Variants in PTPRQ observed in about 807,000 individuals in gnomAD.
The protein encoded by PTPRQ is phosphatidylinositol phosphatase PTPRQ.
In PTPRQ, 199 loss-of-function variants were observed where a neutral mutation model predicts 246.0. The observed-to-expected ratio is 0.81, with a 90% CI of 0.72 to 0.91. The LOEUF (loss-of-function observed/expected upper bound fraction) is 0.91. Among genes scored for constraint, PTPRQ ranks in the 40% least tolerant of loss-of-function variants. The probability of loss-of-function intolerance (pLI) is 0.00; values close to 1 mark genes in which losing one functional copy is unlikely to be tolerated. For synonymous variants in PTPRQ, 869 were observed against 853.2 expected, an observed-to-expected ratio of 1.02 and a Z score of -0.32; for missense variants, 2,624 against 2,528.4, an observed-to-expected ratio of 1.04 and a Z score of -0.81.
chr12:80,647,857 G>A (rs921830709), intron 35 of PTPRQ, among the ~76,000 whole-genome samples: 1 of 151,824 alleles, frequency 6.6e-6, no homozygotes, highest in African/African-American at 2.4e-5. Context: ...TTTACCCTGA[G>A]AAGCTGGAAG....
intron 26 of PTPRQ, among the ~76,000 whole-genome samples, chr12:80,603,887 C>A (rs147223681): frequency 1.2e-3 from 185 of 151,698 alleles, no homozygotes; most frequent in African/African-American, 4.4e-3. Flanking sequence ...TATCCCTTAT[C>A]TTTATCTTTT....
At chr12:80,468,114 A>C (rs182122869) in intron 6 of PTPRQ, among the ~76,000 whole-genome samples, 1 of 152,344 alleles carries the variant, frequency 6.6e-6, no homozygotes, top group East Asian at 1.9e-4. Context: ...TATTTCAATT[A>C]AAAGAATAAA....
In PTPRQ at chr12:80,482,654, G is replaced by A. The variant is rs926675870; in HGVS notation, c.1187-1779G>A. Reference sequence around the variant, plus strand: ...GACAAAGGGCTAATATCCAGAATCTGCAATGAACTCAAACAAATTTACAAG... The same window carrying A: ...GACAAAGGGCTAATATCCAGAATCTACAATGAACTCAAACAAATTTACAAG... On this transcript the variant is annotated intron_variant, in intron 8 of 44. Transcript: ENST00000644991. Among the ~76,000 whole-genome samples, 1,119 of 150,226 alleles carry A rather than the reference G, an allele frequency of 7.4e-3. 25 individuals carry two copies. The highest frequency in any genetic ancestry group is 0.023 in the African/African-American group (905 of 39,790).
At chr12:80,482,840 C>T (rs1184022078) in intron 8 of PTPRQ, among the ~76,000 whole-genome samples, 65 of 138,270 alleles carry the variant, frequency 4.7e-4, no homozygotes, top group Middle Eastern at 3.6e-3. Flanking sequence ...CATCTCACAC[C>T]AGTTAGAATG....
At chr12:80,661,643 G>A (rs1333277318) in intron 39 of PTPRQ, among the ~76,000 whole-genome samples, 1 of 151,534 alleles carries the variant, frequency 6.6e-6, no homozygotes, top group African/African-American at 2.4e-5. Context: ...GGTGTTTGCA[G>A]GAGTAAATAT....
intron 35 of PTPRQ, among the ~76,000 whole-genome samples, chr12:80,646,115 G>A (rs750686179): frequency 5.3e-5 from 8 of 152,038 alleles, no homozygotes; most frequent in Non-Finnish European, 8.8e-5. Flanking sequence ...CCTTATATCA[G>A]TATCAATTGT....
At chr12:80,633,579 C>T (rs1179117985) in intron 34 of PTPRQ, among the ~76,000 whole-genome samples, 1 of 152,194 alleles carries the variant, frequency 6.6e-6, no homozygotes, top group African/African-American at 2.4e-5. Flanking sequence ...TTTATTTCAA[C>T]TGAAGAATGT....
intron 39 of PTPRQ, among the ~76,000 whole-genome samples, chr12:80,659,523 A>G (rs1900558063): frequency 6.6e-6 from 1 of 152,086 alleles, no homozygotes; most frequent in Admixed American, 6.6e-5. Context: ...CATATTGTCT[A>G]ATGTTCCATA....
At chr12:80,613,968 C>G (rs1342955145) in intron 29 of PTPRQ, 132 bp downstream of exon 29, 27 of 1,138,646 alleles carry the variant, frequency 2.4e-5, no homozygotes, top group Non-Finnish European at 2.9e-5. Context: ...GACATCTCAA[C>G]AAAAATAAAT....
chr12:80,549,459 C>G lies in PTPRQ; in HGVS notation c.4016-6C>G, dbSNP rs1159856013. ...TTTAACTTTGGGCATATGTTTATCTCTTAAGTTCCAGATGTCGTGCAGAAT... is the reference window on the plus strand; with the variant it reads ...TTTAACTTTGGGCATATGTTTATCTGTTAAGTTCCAGATGTCGTGCAGAAT... On this transcript the variant is annotated splice_region_variant and splice_polypyrimidine_tract_variant and intron_variant, in intron 24 of 44. Coordinates refer to ENST00000644991, the MANE Select transcript of PTPRQ (RefSeq NM_001145026.2). 6 of 1,539,452 alleles carry G rather than the reference C, an allele frequency of 3.9e-6. No homozygotes were observed. Among genetic ancestry groups the G allele is most frequent in the Non-Finnish European group, 4.4e-6 (5 of 1,140,116 alleles).
chr12:80,673,287 T>G lies in PTPRQ; in HGVS notation c.6721T>G (p.Cys2241Gly). The change falls in exon 43 of 45, where the codon TGC becomes GGC. Residue 2241 changes from cysteine to glycine, a missense_variant. Physicochemically the swap from Cys to Gly is radical, Grantham distance 159 (BLOSUM62 -3). Transcript: ENST00000644991. ...LVAELRSERM[C>G]MVQNLAQYIF... Reference sequence around the variant, plus strand: ...AGCTGAACTGAGAAGTGAAAGAATGTGCATGGTGCAGAATCTGGTAAGATC... The same window carrying G: ...AGCTGAACTGAGAAGTGAAAGAATGGGCATGGTGCAGAATCTGGTAAGATC... 6.5e-7 allele frequency: 1 copy of G among 1,550,192 alleles called. No homozygotes were observed. Among genetic ancestry groups the G allele is most frequent in the Non-Finnish European group, 8.7e-7 (1 of 1,146,106 alleles).
Position 80,459,359 on chromosome 12 carries a change from G to T in PTPRQ, c.536G>T (p.Arg179Leu), listed in dbSNP as rs148607908. Reference protein sequence around the residue: ...SAVKLIWYLPRQPNGKITSFK... With the variant: ...SAVKLIWYLPLQPNGKITSFK... ...GTTAAGCTGATTTGGTATTTACCTC[G>T]GCAACCAAATGGCAAAATTACCAGC... The change falls in exon 5 of 45, where the codon CGG becomes CTG. Residue 179 changes from arginine (R) to leucine (L), a missense_variant. By Grantham distance (102) the Arg-to-Leu change is moderately radical. Coordinates refer to ENST00000644991, the MANE Select transcript of PTPRQ (RefSeq NM_001145026.2). 2 of 398,238 alleles carry T rather than the reference G, an allele frequency of 5.0e-6. No individual in the cohort carries two copies. The highest frequency in any genetic ancestry group is 8.9e-6 in the Non-Finnish European group (2 of 225,964). The allele number at this position is 398,238 out of a possible 1,614,324, so 24.7% of individuals were successfully genotyped here.
Position 80,676,954 on chromosome 12 carries a change from G to T in PTPRQ, c.6739-1648G>T, listed in dbSNP as rs1216001042. 2.0e-5 allele frequency among the ~76,000 whole-genome samples: 3 copies of T among 152,242 alleles called. No homozygotes were observed. In the East Asian group the frequency reaches 5.8e-4, roughly 29 times the overall value. On this transcript the variant is annotated intron_variant, in intron 43 of 44. Coordinates refer to ENST00000644991, the MANE Select transcript of PTPRQ (RefSeq NM_001145026.2). The stretch of plus-strand genomic sequence containing the variant: ...GCATCAGAAGAGTTTAATTCTTAAG[G>T]TAATATGGCTCTCTAGGGCAGAAAC...
chr12:80,610,508 G>A lies in PTPRQ; in HGVS notation c.4801G>A (p.Asp1601Asn), dbSNP rs1898509154. ...NEENKTIEIKDLEIFTRYSVV... is the reference protein window; with the variant it reads ...NEENKTIEIKNLEIFTRYSVV... ...AGAAAATAAAACCATAGAAATTAAA[G>A]ATTTAGAAATATTCACAAGGTATTC... The change falls in exon 28 of 45, where the codon GAT becomes AAT. Residue 1601 changes from aspartate (D) to asparagine (N), a missense_variant. Transcript: ENST00000644991. The A allele has an allele frequency of 2.0e-6, 3 of 1,533,658 alleles. 1 individual carries two copies. Among genetic ancestry groups the A allele is most frequent in the South Asian group, 2.5e-5 (2 of 81,488 alleles).
intron 17 of PTPRQ, among the ~76,000 whole-genome samples, chr12:80,520,032 G>C (rs1047513338): frequency 1.3e-5 from 2 of 152,042 alleles, no homozygotes; most frequent in Non-Finnish European, 2.9e-5. Flanking sequence ...TTTGGGTGGG[G>C]ATTGGGGGGG....
intron 3 of PTPRQ, among the ~76,000 whole-genome samples, chr12:80,448,375 C>T (rs1892620990): frequency 6.6e-6 from 1 of 151,332 alleles, no homozygotes. Context: ...ATTTGGATGC[C>T]TTTTTAAAAT....
At chr12:80,531,576 C>T (rs1359817706) in intron 17 of PTPRQ, among the ~76,000 whole-genome samples, 2 of 152,144 alleles carry the variant, frequency 1.3e-5, no homozygotes, top group African/African-American at 4.8e-5. Context: ...GTGTTATCTG[C>T]AATTCGGTAA....
intron 25 of PTPRQ, among the ~76,000 whole-genome samples, chr12:80,559,567 G>A (rs1896765302): frequency 6.6e-6 from 1 of 151,970 alleles, no homozygotes; most frequent in Admixed American, 6.5e-5. Context: ...ACTGTATACT[G>A]AAAACGTACA....
intron 25 of PTPRQ, among the ~76,000 whole-genome samples, chr12:80,575,534 A>G (rs1897257510): frequency 1.3e-5 from 2 of 152,186 alleles, no homozygotes; most frequent in South Asian, 4.2e-4. Context: ...CTGAGCTATG[A>G]AGGTACCACT....
Sources: allele counts gnomAD v4.1 joint callset (sites outside exome capture counted in the v4.1 genomes callset), GRCh38; gene constraint gnomAD v4.1.1; transcripts MANE v1.5; gene names NCBI Gene and HGNC (gene_info 2026-07-23, HGNC 2026-07-21).